ZNF385B: variants seen among roughly 807,000 people sequenced by gnomAD.
ZNF385B encodes zinc finger protein 533.
In ZNF385B, 23 loss-of-function variants were observed where a neutral mutation model predicts 39.2. The observed-to-expected ratio is 0.59, with a 90% CI of 0.42 to 0.83. The LOEUF is 0.83. ZNF385B is among the 40% of genes least tolerant of loss of function. ZNF385B has a pLI of 0.00. For missense variants in ZNF385B, 552 were observed against 598.9 expected, an observed-to-expected ratio of 0.92 and a Z score of 0.82; for synonymous variants, 205 against 222.6, an observed-to-expected ratio of 0.92 and a Z score of 0.70.
Position 179,747,154 on chromosome 2 carries a change from T to C in ZNF385B, c.298+22349A>G, listed in dbSNP as rs1289941521. 2.6e-5 allele frequency among the ~76,000 whole-genome samples: 4 copies of C among 152,104 alleles called. No homozygotes were observed. The South Asian group carries it at 8.3e-4, about 32-fold the overall frequency. On this transcript the variant is annotated intron_variant, in intron 3 of 9. Coordinates refer to ENST00000410066, the MANE Select transcript of ZNF385B (RefSeq NM_152520.6). ...CTCTGAGATGACACATTTAGAAGTG[T>C]CTACAATATGAAACATCTGTGTAAA...
intron 6 of ZNF385B, among the ~76,000 whole-genome samples, chr2:179,453,570 G>A (rs1174887140): frequency 1.3e-5 from 2 of 152,156 alleles, no homozygotes; most frequent in African/African-American, 4.8e-5. Flanking sequence ...ACTACTGCAG[G>A]TCTTGGCAAT....
At chr2:179,614,224 T>C (rs1689540998) in intron 3 of ZNF385B, among the ~76,000 whole-genome samples, 1 of 152,170 alleles carries the variant, frequency 6.6e-6, no homozygotes, top group African/African-American at 2.4e-5. Flanking sequence ...GTGTTTTTTG[T>C]GTGAATAGTT....
chr2:179,794,539 T>G (rs1237950157), intron 1 of ZNF385B, among the ~76,000 whole-genome samples: 5 of 152,314 alleles, frequency 3.3e-5, no homozygotes, highest in Middle Eastern at 6.8e-3. Flanking sequence ...GTCATGTAAG[T>G]GACGTTTTCT....
At chr2:179,733,727 A>G (rs1310982932) in intron 3 of ZNF385B, among the ~76,000 whole-genome samples, 5 of 151,290 alleles carry the variant, frequency 3.3e-5, no homozygotes, top group Admixed American at 1.3e-4. Flanking sequence ...AGCTTGCAGT[A>G]AGCCGAGGTT....
At chr2:179,497,559 A>T (rs1343677308) in intron 5 of ZNF385B, among the ~76,000 whole-genome samples, 1 of 152,056 alleles carries the variant, frequency 6.6e-6, no homozygotes, top group Non-Finnish European at 1.5e-5. Flanking sequence ...AATACAATGA[A>T]TATACAAAAA....
At chr2:179,445,049 C>T (rs2049334190) in intron 8 of ZNF385B, 72 bp from the exon 9 acceptor site, 1 of 1,330,194 alleles carries the variant, frequency 7.5e-7, no homozygotes. Flanking sequence ...TTCTAGGTAG[C>T]TATTTTCTCC....
At chr2:179,450,850 T>C (rs1162399159) in intron 6 of ZNF385B, among the ~76,000 whole-genome samples, 4 of 150,966 alleles carry the variant, frequency 2.6e-5, no homozygotes, top group East Asian at 1.9e-4. Flanking sequence ...GGAACCAACC[T>C]AAATGTCCAA....
At chr2:179,604,335 A>T (rs1688632266) in intron 3 of ZNF385B, among the ~76,000 whole-genome samples, 1 of 152,114 alleles carries the variant, frequency 6.6e-6, no homozygotes, top group South Asian at 2.1e-4. Context: ...AAAAATTTTT[A>T]AGTGGATTCC....
intron 3 of ZNF385B, among the ~76,000 whole-genome samples, chr2:179,547,004 C>T (rs2060278559): frequency 6.7e-6 from 1 of 149,568 alleles, no homozygotes; most frequent in East Asian, 1.9e-4. Context: ...TTTCATATAC[C>T]TGTTTGCCAT....
At chr2:179,804,447 T>C (rs1389586256) in intron 1 of ZNF385B, among the ~76,000 whole-genome samples, 1 of 152,172 alleles carries the variant, frequency 6.6e-6, no homozygotes. Context: ...AGGCAAGATA[T>C]AATATGGCAT....
chr2:179,674,940 A>T (rs1696542566), intron 3 of ZNF385B, among the ~76,000 whole-genome samples: 1 of 152,244 alleles, frequency 6.6e-6, no homozygotes, highest in African/African-American at 2.4e-5. Flanking sequence ...CACTGTAGGA[A>T]ACACTATACA....
intron 1 of ZNF385B, among the ~76,000 whole-genome samples, chr2:179,856,474 T>G (rs768521273): frequency 3.3e-5 from 5 of 151,972 alleles, no homozygotes; most frequent in Non-Finnish European, 7.4e-5. Context: ...GCCCAACATC[T>G]CACCCTAGCA....
In ZNF385B at chr2:179,604,753, A is replaced by T. The variant is rs1445277141; in HGVS notation, c.299-59784T>A. ...AGCAAACTTTCTTGTCTACTTATAA[A>T]TACTATCCTTGTCAAAGTGGTTTCT... On this transcript the variant is annotated intron_variant, in intron 3 of 9. Coordinates refer to ENST00000410066, the MANE Select transcript of ZNF385B (RefSeq NM_152520.6). Among the ~76,000 whole-genome samples, 3 of 152,238 alleles carry T rather than the reference A, an allele frequency of 2.0e-5. No individual in the cohort carries two copies. The East Asian group carries it at 5.8e-4, about 29-fold the overall frequency.
chr2:179,837,605 C>T (rs978665493), intron 1 of ZNF385B, among the ~76,000 whole-genome samples: 2 of 152,168 alleles, frequency 1.3e-5, no homozygotes, highest in Admixed American at 6.5e-5. Context: ...GCTGACTCAC[C>T]GTGGTTTTCC....
intron 3 of ZNF385B, among the ~76,000 whole-genome samples, chr2:179,723,972 C>T (rs996077591): frequency 3.3e-5 from 5 of 152,004 alleles, no homozygotes; most frequent in African/African-American, 1.2e-4. Flanking sequence ...CTAGTATTAC[C>T]AATTAGTACA....
intron 3 of ZNF385B, among the ~76,000 whole-genome samples, chr2:179,755,952 T>G (rs1702987520): frequency 6.6e-6 from 1 of 152,232 alleles, no homozygotes; most frequent in African/African-American, 2.4e-5. Flanking sequence ...AATATTGTTA[T>G]GTGTGAATTT....
chr2:179,593,376 A>C (rs1335288048), intron 3 of ZNF385B, among the ~76,000 whole-genome samples: 1 of 152,186 alleles, frequency 6.6e-6, no homozygotes, highest in East Asian at 1.9e-4. Context: ...TATTTTTTAA[A>C]AAGCCACAAG....
At chr2:179,730,403 T>C (rs1158636448) in intron 3 of ZNF385B, among the ~76,000 whole-genome samples, 2 of 152,218 alleles carry the variant, frequency 1.3e-5, no homozygotes, top group Non-Finnish European at 2.9e-5. Flanking sequence ...AACATTTCAA[T>C]ATATACCTTG....
At chr2:179,764,322 TACTTTC>T (rs995590787) in intron 3 of ZNF385B, among the ~76,000 whole-genome samples, 2 of 152,210 alleles carry the variant, frequency 1.3e-5, no homozygotes, top group African/African-American at 4.8e-5. Flanking sequence ...TCCATCCTTT[TACTTTC>T]AACATACCTC....
Sources: gnomAD v4.1 joint callset for allele counts (sites outside exome capture counted in the v4.1 genomes callset) on GRCh38, gnomAD v4.1.1 for gene constraint, MANE v1.5 for transcripts, NCBI Gene and HGNC (gene_info 2026-07-23, HGNC 2026-07-21) for gene names.